ANK2: variants seen among roughly 807,000 people sequenced by gnomAD.
ANK2 encodes ankyrin 2, also known as ankyrin-2.
A neutral mutation model predicts 360.5 loss-of-function variants in ANK2; 83 were observed. The observed-to-expected ratio is 0.23, with a 90% CI of 0.19 to 0.28. ANK2 has a LOEUF of 0.28. ANK2 is among the 10% of genes least tolerant of loss of function. The pLI, the probability that ANK2 is intolerant of heterozygous loss-of-function variation, is 1.00. For synonymous variants in ANK2, 1,740 were observed against 1,759.5 expected (o/e 0.99, Z 0.28); for missense variants, 4,201 against 4,795.7 (o/e 0.88, Z 3.66).
chr4:112,781,181 G>C, the ANK2 span, among the ~76,000 whole-genome samples: 1 of 152,066 alleles, frequency 6.6e-6, no homozygotes, highest in African/African-American at 2.4e-5. Context: ...TTGTAGGGAA[G>C]GGGTTTCACC....
intron 1 of ANK2, among the ~76,000 whole-genome samples, chr4:112,903,564 G>A (rs1391283735): frequency 6.6e-6 from 1 of 152,072 alleles, no homozygotes; most frequent in East Asian, 1.9e-4. Context: ...GTAGAAGCAT[G>A]GCCATATATT....
chr4:112,756,185 C>A, the ANK2 span, among the ~76,000 whole-genome samples: 1 of 147,710 alleles, frequency 6.8e-6, no homozygotes, highest in African/African-American at 2.7e-5. Flanking sequence ...TTGCAGTGAG[C>A]CGAGATCACA....
At chr4:112,940,416 A>G (rs990587176) in intron 2 of ANK2, among the ~76,000 whole-genome samples, 6 of 152,200 alleles carry the variant, frequency 3.9e-5, no homozygotes, top group African/African-American at 1.4e-4. Context: ...CTAGGGACAC[A>G]CAATAAAAGG....
exon 2 of ANK2, chr4:112,904,486 T>C (rs2084526236): frequency 6.6e-7 from 1 of 1,505,674 alleles, no homozygotes; most frequent in Non-Finnish European, 9.0e-7. Context: ...GAAGAATTGG[T>C]ATTTCAAATG....
intron 1 of ANK2, among the ~76,000 whole-genome samples, chr4:113,074,759 A>G (rs2079159793): frequency 6.6e-6 from 1 of 152,204 alleles, no homozygotes. Context: ...CCAGTGACTA[A>G]CACAAGGCTA....
intron 1 of ANK2, among the ~76,000 whole-genome samples, chr4:113,084,304 C>T (rs1581102280): frequency 6.6e-6 from 1 of 152,196 alleles, no homozygotes; most frequent in Non-Finnish European, 1.5e-5. Context: ...CAACGCTTCT[C>T]TGTGAAAAAG....
intron 2 of ANK2, among the ~76,000 whole-genome samples, chr4:112,949,647 G>A (rs2094800910): frequency 1.3e-5 from 2 of 152,056 alleles, no homozygotes; most frequent in African/African-American, 2.4e-5. Flanking sequence ...CTCTATTTGG[G>A]TACCACACAC....
chr4:112,954,371 A>G (rs2095232703), intron 2 of ANK2, among the ~76,000 whole-genome samples: 2 of 152,122 alleles, frequency 1.3e-5, no homozygotes, highest in Admixed American at 1.3e-4. Flanking sequence ...CCAAGGCAAG[A>G]TGTTATTTGG....
chr4:113,352,553 A>T (rs1270057212), intron 37 of ANK2, among the ~76,000 whole-genome samples: 1 of 152,186 alleles, frequency 6.6e-6, no homozygotes, highest in Non-Finnish European at 1.5e-5. Context: ...ATTAGATGTT[A>T]TTCTGAGCTT....
chr4:112,751,446 C>T, the ANK2 span, among the ~76,000 whole-genome samples: 2 of 152,200 alleles, frequency 1.3e-5, no homozygotes, highest in Non-Finnish European at 2.9e-5. Context: ...TAAAAGGCGA[C>T]TTAAGGCACT....
intron 1 of ANK2, chr4:113,117,499 CCCTT>C (rs2094935373): frequency 4.6e-6 from 2 of 436,578 alleles, no homozygotes; most frequent in Admixed American, 2.5e-5. Flanking sequence ...ACTTCATCCT[CCCTT>C]CCTTCCATCA....
intron 1 of ANK2, among the ~76,000 whole-genome samples, chr4:113,172,321 A>G (rs2098001302): frequency 6.6e-6 from 1 of 152,212 alleles, no homozygotes; most frequent in Non-Finnish European, 1.5e-5. Context: ...TAGAGCTCAC[A>G]GGCTAGGAAT....
intron 2 of ANK2, among the ~76,000 whole-genome samples, chr4:112,950,422 A>G (rs900198340): frequency 5.3e-5 from 8 of 151,892 alleles, no homozygotes; most frequent in African/African-American, 1.9e-4. Context: ...AGGTGGGCGG[A>G]TCATGAGGTC....
chr4:113,355,675 C>G lies in ANK2; in HGVS notation c.7057C>G (p.Gln2353Glu). 6.2e-7 allele frequency: 1 copy of G among 1,613,886 alleles called. No individual in the cohort carries two copies. Among genetic ancestry groups the G allele is most frequent in the East Asian group, 2.2e-5 (1 of 44,876 alleles). The change falls in exon 38 of 46, where the codon CAA becomes GAA. Residue 2353 changes from glutamine to glutamate, a missense_variant. By Grantham distance (29) the Gln-to-Glu change is conservative (BLOSUM62 2). Coordinates refer to ENST00000357077, the MANE Select transcript of ANK2 (RefSeq NM_001148.6). The stretch of plus-strand genomic sequence containing the variant: ...TGAGGAGGCAGCCTGTGATGAAGGT[C>G]AACGTACCTTTGGTAGTTCAGCCCA... The part of the protein sequence containing the change: ...LTEEAACDEG[Q>E]RTFGSSAHKT...
chr4:112,919,010 AC>A (rs1234981832), intron 2 of ANK2, among the ~76,000 whole-genome samples: 1 of 152,022 alleles, frequency 6.6e-6, no homozygotes, highest in African/African-American at 2.4e-5. Flanking sequence ...ATTTTCTTTC[AC>A]TTTTTAGTTA....
At position 113,355,657 on chromosome 4, in the gene ANK2, G is replaced by A. The variant is rs773506777; in HGVS notation, c.7039G>A (p.Ala2347Thr). 3 of 1,614,126 alleles carry A rather than the reference G, an allele frequency of 1.9e-6. No individual in the cohort carries two copies. Among genetic ancestry groups the A allele is most frequent in the African/African-American group, 1.3e-5 (1 of 75,044 alleles). The change falls in exon 38 of 46, where the codon GCA becomes ACA. Residue 2347 changes from alanine to threonine, a missense_variant. Physicochemically the swap from Ala to Thr is moderately conservative, Grantham distance 58. Coordinates refer to ENST00000357077, the MANE Select transcript of ANK2 (RefSeq NM_001148.6). ...GACACCTACAGGACTGACTGAGGAG[G>A]CAGCCTGTGATGAAGGTCAACGTAC... Reference protein sequence around the residue: ...KETPTGLTEEAACDEGQRTFG... With the variant: ...KETPTGLTEETACDEGQRTFG...
intron 2 of ANK2, among the ~76,000 whole-genome samples, chr4:113,007,122 G>T (rs183900211): frequency 6.6e-6 from 1 of 152,022 alleles, no homozygotes; most frequent in Non-Finnish European, 1.5e-5. Flanking sequence ...TTCTTTTTGG[G>T]TACATACTTT....
chr4:113,117,227 C>G (rs946803621), intron 1 of ANK2: 2 of 449,952 alleles, frequency 4.4e-6, no homozygotes, highest in Middle Eastern at 3.3e-4. Flanking sequence ...TCTGAAATCA[C>G]CTGGATTGCT....
chr4:113,180,682 A>G (rs2098389456), intron 2 of ANK2, among the ~76,000 whole-genome samples: 1 of 152,200 alleles, frequency 6.6e-6, no homozygotes, highest in Non-Finnish European at 1.5e-5. Flanking sequence ...AAATACTAAA[A>G]ACAATTCTAT....
Sources: gnomAD v4.1 joint callset for allele counts (sites outside exome capture counted in the v4.1 genomes callset) on GRCh38, gnomAD v4.1.1 for gene constraint, MANE v1.5 for transcripts, NCBI Gene and HGNC (gene_info 2026-07-23, HGNC 2026-07-21) for gene names.